SPOCK3: variants seen among roughly 807,000 people sequenced by gnomAD.
The protein encoded by SPOCK3 is testican-3.
A neutral mutation model predicts 56.6 loss-of-function variants in SPOCK3; 30 were observed. The observed-to-expected ratio is 0.53, with a 90% CI of 0.40 to 0.72. The LOEUF is 0.72. Among genes scored for constraint, SPOCK3 ranks in the 30% least tolerant of loss-of-function variants. The probability of loss-of-function intolerance (pLI) is 0.00; values close to 1 mark genes in which losing one functional copy is unlikely to be tolerated. For missense variants in SPOCK3, 527 were observed against 530.0 expected (o/e 0.99, Z 0.06); for synonymous variants, 196 against 183.3 (o/e 1.07, Z -0.56).
chr4:167,000,325 G>T, intron 4 of SPOCK3, 24 bp downstream of exon 4: 2 of 1,186,600 alleles, frequency 1.7e-6, no homozygotes, highest in Non-Finnish European at 1.2e-6. Flanking sequence ...TTCAATCAGT[G>T]GGATTAAATT....
chr4:167,092,790 C>T (rs761253948), intron 2 of SPOCK3, among the ~76,000 whole-genome samples: 4 of 152,052 alleles, frequency 2.6e-5, no homozygotes, highest in Admixed American at 1.3e-4. Flanking sequence ...ATTTTCCATT[C>T]AAAGGCTTGA....
chr4:166,835,006 A>T (rs1746470914), intron 6 of SPOCK3, among the ~76,000 whole-genome samples: 1 of 152,146 alleles, frequency 6.6e-6, no homozygotes, highest in African/African-American at 2.4e-5. Flanking sequence ...ATGAAGATTT[A>T]CCATTAATAT....
At chr4:166,810,114 A>G (rs1205062811) in intron 6 of SPOCK3, among the ~76,000 whole-genome samples, 1 of 152,056 alleles carries the variant, frequency 6.6e-6, no homozygotes, top group Non-Finnish European at 1.5e-5. Context: ...GTCAAGCCCC[A>G]CTTTGTTGAA....
intron 2 of SPOCK3, among the ~76,000 whole-genome samples, chr4:167,169,341 G>A (rs2150461653): frequency 6.6e-6 from 1 of 152,308 alleles, no homozygotes; most frequent in South Asian, 2.1e-4. Flanking sequence ...ACCCTGCAAA[G>A]CCACAGGGAT....
intron 4 of SPOCK3, among the ~76,000 whole-genome samples, chr4:166,954,136 G>A (rs1010235036): frequency 1.3e-5 from 2 of 152,104 alleles, no homozygotes; most frequent in South Asian, 2.1e-4. Flanking sequence ...AAATCAGGTT[G>A]TTTTCTATTG....
At chr4:166,741,590 C>A (rs2126393284) in intron 9 of SPOCK3, among the ~76,000 whole-genome samples, 1 of 152,184 alleles carries the variant, frequency 6.6e-6, no homozygotes, top group East Asian at 1.9e-4. Flanking sequence ...CAAGTCTATT[C>A]AAATTTCCCT....
intron 6 of SPOCK3, among the ~76,000 whole-genome samples, chr4:166,874,929 G>A (rs1415190104): frequency 2.0e-5 from 3 of 152,062 alleles, no homozygotes; most frequent in South Asian, 4.1e-4. Flanking sequence ...ATATCAGAAA[G>A]TTGTTCTAGT....
intron 4 of SPOCK3, chr4:166,918,382 A>C (rs1490247264): frequency 6.6e-6 from 1 of 152,206 alleles, no homozygotes; most frequent in African/African-American, 2.4e-5. Flanking sequence ...AATGCAAAAA[A>C]GTATTCTGTC....
At chr4:166,767,023 T>C (rs1398783762) in intron 7 of SPOCK3, among the ~76,000 whole-genome samples, 1 of 152,212 alleles carries the variant, frequency 6.6e-6, no homozygotes, top group Non-Finnish European at 1.5e-5. Flanking sequence ...TTCTGTGGGA[T>C]CGGTGGTGAT....
chr4:166,892,116 C>T (rs1267658124), intron 5 of SPOCK3, among the ~76,000 whole-genome samples: 1 of 151,868 alleles, frequency 6.6e-6, no homozygotes, highest in Non-Finnish European at 1.5e-5. Context: ...TCATTAGGCA[C>T]TAGGAGAATA....
At chr4:167,103,382 G>C (rs1361012665) in intron 2 of SPOCK3, among the ~76,000 whole-genome samples, 1 of 152,088 alleles carries the variant, frequency 6.6e-6, no homozygotes, top group Admixed American at 6.6e-5. Context: ...ACCCTGAGGG[G>C]TGAATCCCAG....
At chr4:166,768,074 A>C (rs539721993) in intron 7 of SPOCK3, among the ~76,000 whole-genome samples, 33 of 151,302 alleles carry the variant, frequency 2.2e-4, no homozygotes, top group African/African-American at 7.8e-4. Context: ...TTTTGAGCCT[A>C]TGTGTGTCTC....
chr4:166,996,043 C>A (rs1427162919), intron 4 of SPOCK3, among the ~76,000 whole-genome samples: 2 of 152,060 alleles, frequency 1.3e-5, no homozygotes, highest in African/African-American at 2.4e-5. Flanking sequence ...TCATTATAAA[C>A]CATGAATTCC....
chr4:166,809,983 A>T (rs1000752137), intron 6 of SPOCK3, among the ~76,000 whole-genome samples: 1 of 152,086 alleles, frequency 6.6e-6, no homozygotes, highest in African/African-American at 2.4e-5. Flanking sequence ...AATATGAATA[A>T]CAACCACAAA....
chr4:166,903,163 A>AAATT (rs1472395295), intron 5 of SPOCK3, among the ~76,000 whole-genome samples: 1 of 148,010 alleles, frequency 6.8e-6, no homozygotes, highest in Non-Finnish European at 1.5e-5. Context: ...AATTTATTAA[A>AAATT]AATTAATAAA....
chr4:167,217,775 A>T (rs1437195924), intron 2 of SPOCK3, among the ~76,000 whole-genome samples: 1 of 152,158 alleles, frequency 6.6e-6, no homozygotes, highest in Admixed American at 6.6e-5. Flanking sequence ...TGCCCAACTT[A>T]AAACTCAATC....
chr4:166,878,287 A>G (rs1733309924), intron 6 of SPOCK3, among the ~76,000 whole-genome samples: 1 of 152,134 alleles, frequency 6.6e-6, no homozygotes, highest in Admixed American at 6.6e-5. Flanking sequence ...TCAAAAAATA[A>G]TTGAAACAAA....
At chr4:167,149,714 G>T (rs987195997) in intron 2 of SPOCK3, among the ~76,000 whole-genome samples, 1 of 151,748 alleles carries the variant, frequency 6.6e-6, no homozygotes, top group Non-Finnish European at 1.5e-5. Flanking sequence ...TATATATCAG[G>T]ATTTCTTTAA....
At chr4:166,955,102 A>G (rs1743238853) in intron 4 of SPOCK3, among the ~76,000 whole-genome samples, 1 of 152,194 alleles carries the variant, frequency 6.6e-6, no homozygotes, top group South Asian at 2.1e-4. Context: ...GATCACTGTT[A>G]TGTAAATTCA....
Sources: gnomAD v4.1 joint callset for allele counts (sites outside exome capture counted in the v4.1 genomes callset) on GRCh38, gnomAD v4.1.1 for gene constraint, MANE v1.5 for transcripts, NCBI Gene and HGNC (gene_info 2026-07-23, HGNC 2026-07-21) for gene names.